Variants in CNTN5 observed in about 807,000 individuals in gnomAD.
CNTN5 encodes the protein contactin 5.
In CNTN5, 77 loss-of-function variants were observed where a neutral mutation model predicts 129.1. That is an observed-to-expected ratio of 0.60 (90% CI 0.50 to 0.72). The LOEUF is 0.72. Ranked by LOEUF, CNTN5 falls within the 30% of genes least tolerant of loss-of-function variation. The pLI, the probability that CNTN5 is intolerant of heterozygous loss-of-function variation, is 0.00. For missense variants in CNTN5, 1,478 were observed against 1,328.8 expected (o/e 1.11, Z -1.75); for synonymous variants, 509 against 465.6 (o/e 1.09, Z -1.20).
intron 6 of CNTN5, among the ~76,000 whole-genome samples, chr11:99,857,435 C>G (rs911018234): frequency 8.5e-5 from 13 of 152,104 alleles, no homozygotes; most frequent in Admixed American, 2.0e-4. Flanking sequence ...GAGGAACATA[C>G]AGAGCCATCT....
At chr11:100,151,931 G>T (rs368295017) in intron 13 of CNTN5, among the ~76,000 whole-genome samples, 1 of 151,242 alleles carries the variant, frequency 6.6e-6, no homozygotes, top group Admixed American at 6.6e-5. Flanking sequence ...TCTGGCCTCA[G>T]TTCTGTTTAA....
At chr11:100,162,733 C>T (rs1236795423) in intron 13 of CNTN5, among the ~76,000 whole-genome samples, 3 of 151,856 alleles carry the variant, frequency 2.0e-5, no homozygotes, top group South Asian at 4.1e-4. Flanking sequence ...GATATTTCAT[C>T]TCTTGTTTGC....
chr11:99,408,451 AAAGAAAG>A (rs1942215034), intron 2 of CNTN5, among the ~76,000 whole-genome samples: 1 of 109,056 alleles, frequency 9.2e-6, no homozygotes, highest in African/African-American at 3.0e-5. Context: ...AAAGAAAGAG[AAAGAAAG>A]AAAGAAAGAA....
chr11:99,039,990 G>T (rs1295799789), intron 1 of CNTN5, among the ~76,000 whole-genome samples: 1 of 152,034 alleles, frequency 6.6e-6, no homozygotes, highest in African/African-American at 2.4e-5. Context: ...ATTGTTTCAT[G>T]CAGAGAAGAG....
intron 3 of CNTN5, among the ~76,000 whole-genome samples, chr11:99,722,208 G>A (rs1423924140): frequency 2.0e-5 from 3 of 152,102 alleles, no homozygotes; most frequent in East Asian, 3.8e-4. Flanking sequence ...ATTATTGAAA[G>A]TAGCAAAGAT....
chr11:99,931,818 G>A (rs1950199174), intron 7 of CNTN5, among the ~76,000 whole-genome samples: 1 of 152,200 alleles, frequency 6.6e-6, no homozygotes, highest in African/African-American at 2.4e-5. Flanking sequence ...ACTTATGTAT[G>A]GGTTGAGCAT....
At chr11:99,728,685 T>G (rs1183926921) in intron 3 of CNTN5, among the ~76,000 whole-genome samples, 1 of 152,186 alleles carries the variant, frequency 6.6e-6, no homozygotes, top group Admixed American at 6.5e-5. Flanking sequence ...GATGAGACAG[T>G]TCACCCTAAA....
intron 6 of CNTN5, among the ~76,000 whole-genome samples, chr11:99,874,142 A>G (rs568760754): frequency 1.3e-5 from 2 of 152,282 alleles, no homozygotes; most frequent in South Asian, 4.1e-4. Context: ...TAGAAGCCCA[A>G]TACCTACCAT....
chr11:99,193,352 C>T (rs1858741221), intron 1 of CNTN5, among the ~76,000 whole-genome samples: 1 of 152,114 alleles, frequency 6.6e-6, no homozygotes, highest in Admixed American at 6.5e-5. Flanking sequence ...ACTGAATGAC[C>T]TACATGAGCA....
At chr11:100,284,823 T>A (rs1377350970) in intron 18 of CNTN5, among the ~76,000 whole-genome samples, 1 of 152,226 alleles carries the variant, frequency 6.6e-6, no homozygotes, top group Non-Finnish European at 1.5e-5. Flanking sequence ...GAATTATATA[T>A]ACACACATGA....
chr11:99,670,827 C>A (rs138916659), intron 3 of CNTN5, among the ~76,000 whole-genome samples: 1 of 152,254 alleles, frequency 6.6e-6, no homozygotes, highest in East Asian at 1.9e-4. Context: ...ATTTTGAACT[C>A]TCTGTGTTAC....
chr11:100,131,003 T>C (rs1946356822), intron 13 of CNTN5, among the ~76,000 whole-genome samples: 1 of 152,150 alleles, frequency 6.6e-6, no homozygotes, highest in Non-Finnish European at 1.5e-5. Flanking sequence ...GGTATCAAGA[T>C]GGTAACGGAG....
intron 2 of CNTN5, among the ~76,000 whole-genome samples, chr11:99,493,419 T>C (rs984312081): frequency 3.9e-5 from 6 of 152,236 alleles, no homozygotes; most frequent in Non-Finnish European, 8.8e-5. Flanking sequence ...TGTATTTTCA[T>C]TTTATAGGTC....
chr11:100,225,833 A>G (rs1939700), intron 16 of CNTN5, among the ~76,000 whole-genome samples: 26,030 of 151,992 alleles, frequency 0.17, 3,011 homozygotes, highest in South Asian at 0.43. Flanking sequence ...ATTCATCTGG[A>G]CTCTTACAAT....
chr11:99,205,753 A>G (rs1327157936), intron 1 of CNTN5, among the ~76,000 whole-genome samples: 2 of 152,026 alleles, frequency 1.3e-5, no homozygotes, highest in Non-Finnish European at 2.9e-5. Context: ...GACAATGTAT[A>G]TCTATATCAA....
chr11:99,057,808 GTGTGTGTGTA>G (rs1864689569), intron 1 of CNTN5, among the ~76,000 whole-genome samples: 1 of 151,214 alleles, frequency 6.6e-6, no homozygotes, highest in African/African-American at 2.4e-5. Flanking sequence ...GTGTGTGTGT[GTGTGTGTGTA>G]TGGTCATAAA....
At chr11:99,146,959 C>A (rs1394600144) in intron 1 of CNTN5, among the ~76,000 whole-genome samples, 2 of 152,056 alleles carry the variant, frequency 1.3e-5, no homozygotes, top group Non-Finnish European at 2.9e-5. Flanking sequence ...TGGGCTCAAG[C>A]AATCCATGTA....
chr11:100,158,459 T>A (rs1947330416), intron 13 of CNTN5, among the ~76,000 whole-genome samples: 1 of 151,914 alleles, frequency 6.6e-6, no homozygotes, highest in Admixed American at 6.6e-5. Context: ...AAACTTCATG[T>A]TGTTTACTTT....
At chr11:99,623,449 G>C (rs1035405977) in intron 3 of CNTN5, among the ~76,000 whole-genome samples, 1 of 152,098 alleles carries the variant, frequency 6.6e-6, no homozygotes, top group Admixed American at 6.6e-5. Flanking sequence ...GTCTTGCCAA[G>C]CTTACATTCT....
Sources: allele counts gnomAD v4.1 joint callset (sites outside exome capture counted in the v4.1 genomes callset), GRCh38; gene constraint gnomAD v4.1.1; transcripts MANE v1.5; gene names NCBI Gene and HGNC (gene_info 2026-07-23, HGNC 2026-07-21).